The following FHOD3 variants were observed in gnomAD, a reference collection of about 807,000 sequenced individuals.
FHOD3 encodes formin homology 2 domain containing 3.
In FHOD3, 90 loss-of-function variants were observed where a neutral mutation model predicts 173.0. The observed-to-expected ratio is 0.52, with a 90% CI of 0.44 to 0.62. The LOEUF (loss-of-function observed/expected upper bound fraction) is 0.62. FHOD3 is among the 20% of genes least tolerant of loss of function. The pLI, the probability that FHOD3 is intolerant of heterozygous loss-of-function variation, is 0.00. For synonymous variants in FHOD3, 828 were observed against 823.0 expected, an observed-to-expected ratio of 1.01 and a Z score of -0.10; for missense variants, 1,945 against 2,034.7, an observed-to-expected ratio of 0.96 and a Z score of 0.85.
At chr18:36,615,102 G>T (rs2148662365) in intron 9 of FHOD3, among the ~76,000 whole-genome samples, 1 of 152,042 alleles carries the variant, frequency 6.6e-6, no homozygotes, top group Non-Finnish European at 1.5e-5. Context: ...CACCTGCCTT[G>T]GCCTCCCAAA....
intron 18 of FHOD3, among the ~76,000 whole-genome samples, chr18:36,716,248 C>G (rs2040443213): frequency 6.6e-6 from 1 of 152,170 alleles, no homozygotes; most frequent in African/African-American, 2.4e-5. Context: ...AGGCAGGAAC[C>G]CACGCTGGCC....
At chr18:36,757,273 A>G (rs2042669999) in intron 25 of FHOD3, among the ~76,000 whole-genome samples, 1 of 152,212 alleles carries the variant, frequency 6.6e-6, no homozygotes, top group South Asian at 2.1e-4. Flanking sequence ...CATGTTTTTA[A>G]TGGCCAAAGT....
chr18:36,580,936 T>C (rs944495154), intron 6 of FHOD3, among the ~76,000 whole-genome samples: 2 of 152,194 alleles, frequency 1.3e-5, no homozygotes, highest in African/African-American at 4.8e-5. Context: ...GTCACAGAGT[T>C]GATAAAGGAA....
intron 28 of FHOD3, among the ~76,000 whole-genome samples, chr18:36,774,634 G>T (rs1057439465): frequency 1.3e-5 from 2 of 152,116 alleles, no homozygotes; most frequent in Admixed American, 1.3e-4. Flanking sequence ...TTTTGTTGTT[G>T]TTCTGGGTTT....
At chr18:36,431,463 G>T (rs1349579441) in intron 3 of FHOD3, among the ~76,000 whole-genome samples, 1 of 152,232 alleles carries the variant, frequency 6.6e-6, no homozygotes, top group African/African-American at 2.4e-5. Flanking sequence ...CCTGAGGAAG[G>T]AGCAGGCCTA....
intron 18 of FHOD3, among the ~76,000 whole-genome samples, 196 bp from the exon 19 acceptor site, chr18:36,717,634 CCT>C (rs1422980981): frequency 6.6e-6 from 1 of 152,098 alleles, no homozygotes; most frequent in Admixed American, 6.6e-5. Flanking sequence ...AGTCTTGGGT[CCT>C]GGTGTGGGTC....
At position 36,634,236 on chromosome 18, in the gene FHOD3, C is replaced by T. The variant is rs80179576; in HGVS notation, c.1196+8487C>T. ...GAGGCAATTGGAGGGGTGTTGTTTTCTATTTTCCTGCAGGAGTGAAGAAGA... is the reference window on the plus strand; with the variant it reads ...GAGGCAATTGGAGGGGTGTTGTTTTTTATTTTCCTGCAGGAGTGAAGAAGA... On this transcript the variant is annotated intron_variant, in intron 10 of 28. Coordinates refer to ENST00000590592, the MANE Select transcript of FHOD3 (RefSeq NM_001281740.3). Among the ~76,000 whole-genome samples, 639 of 152,154 alleles carry T rather than the reference C, an allele frequency of 4.2e-3. 7 individuals are homozygous for T. Among genetic ancestry groups the T allele is most frequent in the African/African-American group, 0.015 (604 of 41,508 alleles).
intron 4 of FHOD3, among the ~76,000 whole-genome samples, chr18:36,511,550 C>A (rs1254036589): frequency 6.6e-6 from 1 of 152,084 alleles, no homozygotes; most frequent in East Asian, 1.9e-4. Context: ...GCTTTCTGGT[C>A]CTTCTTAAAG....
At chr18:36,620,486 C>A (rs2033618638) in intron 9 of FHOD3, among the ~76,000 whole-genome samples, 1 of 152,178 alleles carries the variant, frequency 6.6e-6, no homozygotes, top group African/African-American at 2.4e-5. Context: ...TGTGTCCACA[C>A]CTCTGATTTA....
intron 27 of FHOD3, among the ~76,000 whole-genome samples, chr18:36,763,453 C>A (rs983970839): frequency 9.8e-5 from 14 of 143,210 alleles, no homozygotes; most frequent in African/African-American, 3.3e-4. Flanking sequence ...ATATAATATG[C>A]GTATTATACA....
chr18:36,429,652 A>G (rs1177052415), intron 3 of FHOD3, among the ~76,000 whole-genome samples: 2 of 152,230 alleles, frequency 1.3e-5, no homozygotes, highest in East Asian at 3.8e-4. Context: ...GGTGAAAAGG[A>G]AATGAATATG....
rs758596223 is a variant in FHOD3, at chr18:36,512,589, G to T, written c.511+46G>T. The T allele has an allele frequency of 3.6e-6, 5 of 1,388,504 alleles. No individual in the cohort carries two copies. The Admixed American group carries it at 6.8e-5, about 19-fold the overall frequency. The allele number at this position is 1,388,504 out of a possible 1,614,324, so 86.0% of individuals were successfully genotyped here. A position where few individuals can be genotyped will look rare whatever the true frequency, so the allele number is the denominator to read the frequency against. ...CAGCAGCTGCCCCAGCTGCAGGGGG[G>T]ATCTGGGTTCACCTTCAGGAACTTA... is the stretch of plus-strand genomic sequence containing the variant. On this transcript the variant is annotated intron_variant, in intron 5 of 28. Coordinates refer to ENST00000590592, the MANE Select transcript of FHOD3 (RefSeq NM_001281740.3).
chr18:36,551,289 T>C (rs968170157), intron 5 of FHOD3, among the ~76,000 whole-genome samples: 2 of 152,172 alleles, frequency 1.3e-5, no homozygotes, highest in Non-Finnish European at 1.5e-5. Flanking sequence ...TGGCTAAATA[T>C]TTTTTATTGC....
rs147096102 is a variant in FHOD3 at position 36,429,419 on chromosome 18, G to A, written c.337+56675G>A. ...GAAAACACCCAGTTTCCTATGGAAGGCTCCAGGTACGGGTGGGGGCATGTG... is the reference window on the plus strand; with the variant it reads ...GAAAACACCCAGTTTCCTATGGAAGACTCCAGGTACGGGTGGGGGCATGTG... On this transcript the variant is annotated intron_variant, in intron 3 of 28. Transcript: ENST00000590592. Among the ~76,000 whole-genome samples, 1,132 of 152,262 alleles carry A rather than the reference G, an allele frequency of 7.4e-3. 6 individuals carry two copies. Among genetic ancestry groups the A allele is most frequent in the African/African-American group, 0.025 (1,036 of 41,540 alleles).
chr18:36,652,853 C>A lies in FHOD3; in HGVS notation c.1570C>A (p.His524Asn). The A allele has an allele frequency of 6.5e-7, 1 of 1,535,996 alleles. No homozygotes were observed. Among genetic ancestry groups the A allele is most frequent in the Non-Finnish European group, 8.7e-7 (1 of 1,146,720 alleles). ...GCCCTACGTGCCCCACAGCCCCTTC[C>A]ACCTCTTCTCCTATGACTTTGAGGA... The part of the protein sequence containing the change: ...KLPYVPHSPF[H>N]LFSYDFEDSS... The change falls in exon 12 of 29, where the codon CAC becomes AAC. Residue 524 changes from histidine (H) to asparagine (N), a missense_variant. This residue lies in a region of FHOD3 where 1,099 missense variants were observed against 1,051.2 expected (regional missense o/e 1.05). Coordinates refer to ENST00000590592, the MANE Select transcript of FHOD3 (RefSeq NM_001281740.3).
chr18:36,368,912 T>C (rs1179859575), intron 2 of FHOD3, among the ~76,000 whole-genome samples: 1 of 152,050 alleles, frequency 6.6e-6, no homozygotes, highest in East Asian at 1.9e-4. Context: ...ACCAGGTCCC[T>C]CCCTCACACC....
intron 2 of FHOD3, among the ~76,000 whole-genome samples, chr18:36,358,692 T>A (rs1261081068): frequency 4.6e-5 from 7 of 152,188 alleles, no homozygotes; most frequent in African/African-American, 1.7e-4. Flanking sequence ...TTTTAATTAT[T>A]TTTGATAGGG....
In FHOD3 at chr18:36,321,076, A is replaced by ATTT. The variant is rs5824009; in HGVS notation, c.165+23087_165+23089dup. Among the ~76,000 whole-genome samples, 341 of 148,086 alleles carry ATTT rather than the reference A, an allele frequency of 2.3e-3. 2 individuals are homozygous for ATTT. Among genetic ancestry groups the ATTT allele is most frequent in the Middle Eastern group, 6.9e-3 (2 of 290 alleles). ...CCACCTCTTCTCGAGATTTCCTGTGATTTTTTTTTTTTTGCATCACTTCAT... is the reference window on the plus strand; with the variant it reads ...CCACCTCTTCTCGAGATTTCCTGTGATTTTTTTTTTTTTTTTGCATCACTTCAT... On this transcript the variant is annotated intron_variant, in intron 1 of 28. Transcript: ENST00000590592.
intron 19 of FHOD3, among the ~76,000 whole-genome samples, chr18:36,726,670 T>C (rs1422395344): frequency 1.3e-5 from 2 of 151,926 alleles, no homozygotes; most frequent in Non-Finnish European, 2.9e-5. Context: ...AAAGTGCCTC[T>C]TTTTTTTCTT....
Sources: gnomAD v4.1 joint callset for allele counts (sites outside exome capture counted in the v4.1 genomes callset) on GRCh38, gnomAD v4.1.1 for gene constraint, gnomAD v4.1.1 regional missense constraint, MANE v1.5 for transcripts, NCBI Gene and HGNC (gene_info 2026-07-23, HGNC 2026-07-21) for gene names.